PRKN: variants seen among roughly 807,000 people sequenced by gnomAD.
PRKN encodes the protein parkin RBR E3 ubiquitin protein ligase.
PRKN carries 56 observed loss-of-function variants against 59.5 expected under a neutral mutation model. The ratio of observed to expected loss-of-function variants is 0.94; its 90% CI spans 0.76 to 1.18. The LOEUF (loss-of-function observed/expected upper bound fraction) is 1.18, where lower values mean the gene tolerates loss of function less well. Among genes scored for constraint, PRKN ranks in the 50% most tolerant of loss-of-function variants. PRKN has a pLI of 0.00. For synonymous variants in PRKN, 250 were observed against 222.1 expected (o/e 1.13, Z -1.12); for missense variants, 657 against 596.4 (o/e 1.10, Z -1.06).
intron 1 of PRKN, among the ~76,000 whole-genome samples, chr6:162,610,264 T>C (rs1013587523): frequency 1.3e-5 from 2 of 152,174 alleles, no homozygotes; most frequent in African/African-American, 4.8e-5. Context: ...CACAGTTGGT[T>C]AGTGGTAGAG....
intron 1 of PRKN, 49 bp downstream of exon 1, chr6:162,727,613 G>C (rs1399051928): frequency 6.4e-7 from 1 of 1,559,274 alleles, no homozygotes; most frequent in African/African-American, 1.4e-5. Context: ...GCGCCATACC[G>C]GGGCGTGGGG....
intron 7 of PRKN, among the ~76,000 whole-genome samples, chr6:161,625,544 C>T (rs896460002): frequency 6.6e-6 from 1 of 152,030 alleles, no homozygotes; most frequent in East Asian, 1.9e-4. Context: ...CACATGTACC[C>T]TAGAACTTAA....
At chr6:162,295,224 C>G (rs768599972) in intron 2 of PRKN, among the ~76,000 whole-genome samples, 4 of 152,154 alleles carry the variant, frequency 2.6e-5, no homozygotes, top group Non-Finnish European at 4.4e-5. Context: ...CTTTCTTCCT[C>G]TAGATTGCCA....
chr6:161,468,999 C>T lies in PRKN; in HGVS notation c.1083+79855G>A, dbSNP rs532939660. 5.6e-4 allele frequency among the ~76,000 whole-genome samples: 85 copies of T among 152,298 alleles called. No individual in the cohort carries two copies. The highest frequency in any genetic ancestry group is 5.0e-3 in the South Asian group (24 of 4,828). ...ACAGGCCAAGTAAAATTCCTTCATG[C>T]ATCTCCTAATGACTCCCCACCAAAA... On this transcript the variant is annotated intron_variant, in intron 9 of 11. Coordinates refer to ENST00000366898, the MANE Select transcript of PRKN (RefSeq NM_004562.3). This position sits in a 1 kb window ranked among gnomAD's most constrained non-coding sequence, Gnocchi z 5.9.
At chr6:161,435,554 G>T (rs180962228) in intron 9 of PRKN, among the ~76,000 whole-genome samples, 1 of 151,876 alleles carries the variant, frequency 6.6e-6, no homozygotes, top group Admixed American at 6.6e-5. Context: ...AATAATGTAG[G>T]TGTCATTGCT....
chr6:161,644,632 G>A (rs568276937), intron 7 of PRKN, among the ~76,000 whole-genome samples: 11 of 152,282 alleles, frequency 7.2e-5, no homozygotes, highest in Non-Finnish European at 1.2e-4. Context: ...TCTTCATGGC[G>A]TCTGTTGGCT....
At position 162,554,640 on chromosome 6, in the gene PRKN, G is replaced by A. The variant is rs1415976182; in HGVS notation, c.8-111167C>T. Reference sequence around the variant, plus strand: ...ATGACAGTGGCAACACGGGGTGGGGGGAGCACAGCGCAGCGCAATGGCATG... The same window carrying A: ...ATGACAGTGGCAACACGGGGTGGGGAGAGCACAGCGCAGCGCAATGGCATG... On this transcript the variant is annotated intron_variant, in intron 1 of 11. Transcript: ENST00000366898. Among the ~76,000 whole-genome samples, 3 of 151,944 alleles carry A rather than the reference G, an allele frequency of 2.0e-5. No homozygotes were observed. The East Asian group carries it at 5.8e-4, about 29-fold the overall frequency.
At chr6:162,307,288 T>G (rs1349881373) in intron 2 of PRKN, among the ~76,000 whole-genome samples, 1 of 151,376 alleles carries the variant, frequency 6.6e-6, no homozygotes, top group East Asian at 1.9e-4. Context: ...TAATCCCAGC[T>G]ACTCAGGAAG....
chr6:162,191,486 A>C (rs747838932), intron 4 of PRKN, among the ~76,000 whole-genome samples: 1 of 152,160 alleles, frequency 6.6e-6, no homozygotes, highest in Non-Finnish European at 1.5e-5. Flanking sequence ...TCTGTCACCC[A>C]AGCTGGAGTG....
intron 7 of PRKN, among the ~76,000 whole-genome samples, chr6:161,675,448 T>C (rs553223613): frequency 2.4e-4 from 37 of 152,338 alleles, no homozygotes; most frequent in African/African-American, 8.7e-4. Context: ...ATGCAGCATT[T>C]ATAGAGAGGA....
chr6:162,719,894 CAAAAAAAAAAA>C (rs56395129), intron 1 of PRKN, among the ~76,000 whole-genome samples: 2 of 144,112 alleles, frequency 1.4e-5, no homozygotes, highest in South Asian at 2.3e-4. Context: ...AGGTAGATGT[CAAAAAAAAAAA>C]AAAAAAAAAA....
chr6:162,377,523 G>C (rs1415785638), intron 2 of PRKN, among the ~76,000 whole-genome samples: 1 of 152,196 alleles, frequency 6.6e-6, no homozygotes, highest in Non-Finnish European at 1.5e-5. Context: ...CTTGAATCTA[G>C]TTCAAACTGT....
chr6:162,311,113 C>T (rs981086486), intron 2 of PRKN, among the ~76,000 whole-genome samples: 2 of 152,134 alleles, frequency 1.3e-5, no homozygotes, highest in Non-Finnish European at 2.9e-5. Context: ...AGGTCATAGT[C>T]TCTGCTAACA....
intron 9 of PRKN, among the ~76,000 whole-genome samples, chr6:161,432,355 A>ATTTT (rs1188841520): frequency 1.2e-4 from 11 of 92,192 alleles, no homozygotes; most frequent in Non-Finnish European, 1.4e-4. Context: ...ACTTCCTCTG[A>ATTTT]TTTTTTTTTT....
At chr6:162,435,581 G>T (rs1789730496) in intron 2 of PRKN, among the ~76,000 whole-genome samples, 1 of 152,162 alleles carries the variant, frequency 6.6e-6, no homozygotes, top group Admixed American at 6.5e-5. Context: ...GCCCTGTACA[G>T]ATGATCATTC....
rs1234781025 is a variant in PRKN, at chr6:161,466,950, C to A, written c.1084-80073G>T. On this transcript the variant is annotated intron_variant, in intron 9 of 11. Transcript: ENST00000366898. This position sits in a 1 kb window ranked among gnomAD's most constrained non-coding sequence, Gnocchi z 5.0. Reference sequence around the variant, plus strand: ...CAGAAATAAAATATTCTTTTCAGGGCAAAGGAATGAAATCTCATCAAGAGG... The same window carrying A: ...CAGAAATAAAATATTCTTTTCAGGGAAAAGGAATGAAATCTCATCAAGAGG... 1.3e-5 allele frequency among the ~76,000 whole-genome samples: 2 copies of A among 152,118 alleles called. No homozygotes were observed. The highest frequency in any genetic ancestry group is 1.9e-4 in the East Asian group (1 of 5,184).
At chr6:161,859,241 T>C (rs535720463) in intron 6 of PRKN, among the ~76,000 whole-genome samples, 4 of 152,204 alleles carry the variant, frequency 2.6e-5, no homozygotes, top group African/African-American at 9.6e-5. Flanking sequence ...CTGGATTATA[T>C]GAGACAAAAA....
intron 9 of PRKN, among the ~76,000 whole-genome samples, chr6:161,437,713 C>A (rs1411637299): frequency 6.6e-6 from 1 of 152,062 alleles, no homozygotes; most frequent in Non-Finnish European, 1.5e-5. Flanking sequence ...TTAATGTGTT[C>A]CTGAAAGGAA....
intron 3 of PRKN, among the ~76,000 whole-genome samples, chr6:162,245,139 A>C (rs571080429): frequency 6.6e-6 from 1 of 152,218 alleles, no homozygotes; most frequent in African/African-American, 2.4e-5. Context: ...ACTTAGAATT[A>C]AACCAAAGAG....
Sources: allele counts gnomAD v4.1 joint callset (sites outside exome capture counted in the v4.1 genomes callset), GRCh38; gene constraint gnomAD v4.1.1; non-coding constraint Gnocchi (gnomAD v3.1); transcripts MANE v1.5; gene names NCBI Gene and HGNC (gene_info 2026-07-23, HGNC 2026-07-21).